The following CTDP1 variants were observed in gnomAD, a reference collection of about 807,000 sequenced individuals.
CTDP1 encodes the protein CTD phosphatase 1, also known as RNA polymerase II subunit A C-terminal domain phosphatase.
A neutral mutation model predicts 91.8 loss-of-function variants in CTDP1; 47 were observed. That is an observed-to-expected ratio of 0.51 (90% CI 0.41 to 0.65). CTDP1 has a LOEUF of 0.65. CTDP1 is among the 30% of genes least tolerant of loss of function. The probability of loss-of-function intolerance (pLI) is 0.00; values close to 1 mark genes in which losing one functional copy is unlikely to be tolerated. For missense variants in CTDP1, 1,272 were observed against 1,373.7 expected (o/e 0.93, Z 1.17); for synonymous variants, 656 against 598.5 (o/e 1.10, Z -1.40).
intron 3 of CTDP1, 55 bp downstream of exon 3, chr18:79,696,125 CGGCTGCAGGAGGAGGGT>C (rs1489653970): frequency 9.3e-6 from 14 of 1,507,734 alleles, no homozygotes; most frequent in African/African-American, 1.4e-5. Context: ...CTGAGGAGGG[CGGCTGCAGGAGGAGGGT>C]GGCTGCAGAA....
In CTDP1 at chr18:79,713,219, T is replaced by C. The variant is rs113518369; in HGVS notation, c.1030+81T>C. ...CTCTTCTTATTTCTTATCTCTGTTT[T>C]GACTGCTATAAATTCAAGATACACT... On this transcript the variant is annotated intron_variant, in intron 7 of 12. Coordinates refer to ENST00000613122, the MANE Select transcript of CTDP1 (RefSeq NM_004715.5). This position sits in a 1 kb window ranked among gnomAD's most constrained non-coding sequence, Gnocchi z 4.7. 1,548 of 1,367,256 alleles carry C rather than the reference T, an allele frequency of 1.1e-3. 12 individuals are homozygous for C. The African/African-American group carries it at 0.019, about 17-fold the overall frequency. 84.7% of individuals were successfully genotyped at this position (1,367,256 alleles called of 1,614,324 possible). A position where few individuals can be genotyped will look rare whatever the true frequency, so the allele number is the denominator to read the frequency against.
chr18:79,693,211 G>C (rs1039912613), intron 1 of CTDP1, among the ~76,000 whole-genome samples: 1 of 152,190 alleles, frequency 6.6e-6, no homozygotes, highest in African/African-American at 2.4e-5. Flanking sequence ...TGTGGTGACC[G>C]GGAGGGAGGA....
intron 3 of CTDP1, among the ~76,000 whole-genome samples, 155 bp from the exon 4 acceptor site, chr18:79,697,705 C>G (rs2085774729): frequency 6.6e-6 from 1 of 152,198 alleles, no homozygotes. Flanking sequence ...GTTGGTGACC[C>G]AGCCCTGCCT....
chr18:79,748,950 C>T (rs1302759171), intron 12 of CTDP1, among the ~76,000 whole-genome samples: 1 of 152,158 alleles, frequency 6.6e-6, no homozygotes, highest in African/African-American at 2.4e-5. Context: ...TGCATGTGCA[C>T]AGGGCTCTCC....
Position 79,680,226 on chromosome 18 carries a change from G to A in CTDP1, c.279G>A (p.Glu93=). The A allele has an allele frequency of 7.4e-7, 1 of 1,354,404 alleles. No homozygotes were observed. The highest frequency in any genetic ancestry group is 9.4e-7 in the Non-Finnish European group (1 of 1,060,910). The allele number at this position is 1,354,404 out of a possible 1,614,324, so 83.9% of individuals were successfully genotyped here. A position where few individuals can be genotyped will look rare whatever the true frequency, so the allele number is the denominator to read the frequency against. Residue 93 remains glutamate, a synonymous_variant, in exon 1 of 13, where the codon GAG becomes GAA. Transcript: ENST00000613122. ...LRSERAGVVR[E]LCAQPGQVVA... ...CGGAGCGCGCGGGCGTGGTGCGGGA[G>A]CTGTGCGCGCAGCCGGGCCAGGTGG...
intron 10 of CTDP1, among the ~76,000 whole-genome samples, chr18:79,723,190 G>T (rs1051121841): frequency 1.4e-4 from 22 of 152,292 alleles, no homozygotes; most frequent in African/African-American, 5.3e-4. Flanking sequence ...GTCTCACGGA[G>T]GGTCCCACAC....
chr18:79,715,951 C>T (rs1190189082), intron 8 of CTDP1, among the ~76,000 whole-genome samples: 2 of 152,228 alleles, frequency 1.3e-5, no homozygotes, highest in East Asian at 1.9e-4. Context: ...CACGTTGTGG[C>T]TGGGAGGGCG....
rs2085331728 is a variant in CTDP1, at chr18:79,680,251, G to T, written c.304G>T (p.Val102Phe). The change falls in exon 1 of 13, where the codon GTC (valine) becomes TTC (phenylalanine). Residue 102 changes from valine to phenylalanine, a missense_variant. Physicochemically the swap from Val to Phe is conservative, Grantham distance 50. Around this residue, in one of 3 missense-constraint regions of CTDP1, gnomAD observed 214 missense variants for 179.1 expected, o/e 1.19. Transcript: ENST00000613122. ...GCTGTGCGCGCAGCCGGGCCAGGTGGTCGCCCCAGGGTGAGTGTGCTGAGC... is the reference window on the plus strand; with the variant it reads ...GCTGTGCGCGCAGCCGGGCCAGGTGTTCGCCCCAGGGTGAGTGTGCTGAGC... ...RELCAQPGQV[V>F]APGAVLVRLE... The T allele has an allele frequency of 7.7e-7, 1 of 1,300,734 alleles. No individual in the cohort carries two copies. The highest frequency in any genetic ancestry group is 1.5e-5 in the African/African-American group (1 of 64,834). 80.6% of individuals were successfully genotyped at this position (1,300,734 alleles called of 1,614,324 possible). A position where few individuals can be genotyped will look rare whatever the true frequency, so the allele number is the denominator to read the frequency against.
intron 10 of CTDP1, among the ~76,000 whole-genome samples, chr18:79,722,017 T>G (rs2122689432): frequency 6.6e-6 from 1 of 152,238 alleles, no homozygotes; most frequent in Non-Finnish European, 1.5e-5. Context: ...AGAGATGGGG[T>G]TTCATCATGT....
chr18:79,699,790 G>A (rs1486896827), intron 4 of CTDP1, among the ~76,000 whole-genome samples: 1 of 152,098 alleles, frequency 6.6e-6, no homozygotes, highest in Non-Finnish European at 1.5e-5. Flanking sequence ...GAGCAACCTG[G>A]CGAGCACGTC....
chr18:79,712,835 G>T (rs1238018934), intron 6 of CTDP1, 137 bp from the exon 7 acceptor site: 3 of 834,868 alleles, frequency 3.6e-6, no homozygotes, highest in Admixed American at 2.1e-5. Context: ...GGGCTTCGGG[G>T]CGGTTGGTGT....
rs36016798 is a variant in CTDP1 at position 79,728,996 on chromosome 18, G to T, written c.2507G>T (p.Arg836Leu). The stretch of plus-strand genomic sequence containing the variant: ...CAGCCTGGCCCTTCTAGAAGAAAGC[G>T]ACAGCCCAGTATGTCTGAGACAATG... The part of the protein sequence containing the change: ...GEQPGPSRRK[R>L]QPSMSETMPL... Residue 836 changes from arginine to leucine, a missense_variant, in exon 11 of 13, where the codon CGA becomes CTA. Around this residue, in one of 3 missense-constraint regions of CTDP1, gnomAD observed 881 missense variants for 911.6 expected, o/e 0.97. Transcript: ENST00000613122. The T allele has an allele frequency of 6.2e-7, 1 of 1,614,152 alleles. No homozygotes were observed. The highest frequency in any genetic ancestry group is 8.5e-7 in the Non-Finnish European group (1 of 1,180,038).
At chr18:79,703,100 A>G (rs2085893827) in intron 4 of CTDP1, 1 of 152,202 alleles carries the variant, frequency 6.6e-6, no homozygotes, top group Non-Finnish European at 1.5e-5. Context: ...CAGCTGCTGG[A>G]CTTTTTACTG....
chr18:79,724,348 C>G (rs1428342580), intron 10 of CTDP1, among the ~76,000 whole-genome samples: 1 of 152,212 alleles, frequency 6.6e-6, no homozygotes, highest in Non-Finnish European at 1.5e-5. Flanking sequence ...GATACAGTTG[C>G]TAAATTGGAT....
At chr18:79,679,589 G>T (rs951302817), upstream of CTDP1, 8 of 471,928 alleles carry the variant, frequency 1.7e-5, no homozygotes, top group African/African-American at 1.2e-4. Flanking sequence ...CCGTCACTGG[G>T]ACTGGGCGAC....
intron 12 of CTDP1, among the ~76,000 whole-genome samples, chr18:79,739,065 C>T (rs1334341708): frequency 1.3e-5 from 2 of 152,200 alleles, no homozygotes; most frequent in East Asian, 1.9e-4. Context: ...TTCCACTGCC[C>T]TCCCCTGAAG....
chr18:79,689,083 C>T (rs1044241617), intron 1 of CTDP1, among the ~76,000 whole-genome samples: 1 of 152,170 alleles, frequency 6.6e-6, no homozygotes, highest in African/African-American at 2.4e-5. Context: ...CACTAATAGT[C>T]CTAATAAAGT....
rs150797482 is a variant in CTDP1, at chr18:79,731,072, C to T, written c.2580+2003C>T. ...CTCGGGCCCATTGCCTGCACCCCCC[C>T]GTGGGCCTGTGAGACGGACTAGGTA... On this transcript the variant is annotated intron_variant, in intron 11 of 12. Coordinates refer to ENST00000613122, the MANE Select transcript of CTDP1 (RefSeq NM_004715.5). Among the ~76,000 whole-genome samples the T allele has an allele frequency of 3.5e-4, 54 of 152,320 alleles. 1 individual carries two copies. The East Asian group carries it at 0.01, about 29-fold the overall frequency.
intron 11 of CTDP1, among the ~76,000 whole-genome samples, chr18:79,730,987 C>A (rs1053340392): frequency 2.6e-5 from 4 of 152,192 alleles, no homozygotes; most frequent in African/African-American, 9.6e-5. Context: ...CACATGTGTC[C>A]CTCTTCCACT....
Sources: gnomAD v4.1 joint callset for allele counts (sites outside exome capture counted in the v4.1 genomes callset) on GRCh38, gnomAD v4.1.1 for gene constraint, gnomAD v4.1.1 regional missense constraint, Gnocchi (gnomAD v3.1) non-coding constraint, MANE v1.5 for transcripts, NCBI Gene and HGNC (gene_info 2026-07-23, HGNC 2026-07-21) for gene names.